Variants in PARD3B observed in about 807,000 individuals in gnomAD.
PARD3B encodes par-3 family cell polarity regulator beta.
A neutral mutation model predicts 130.2 loss-of-function variants in PARD3B; 103 were observed. That is an observed-to-expected ratio of 0.79 (90% CI 0.67 to 0.93). PARD3B has a LOEUF of 0.93. Among genes scored for constraint, PARD3B ranks in the 40% least tolerant of loss-of-function variants. PARD3B has a pLI of 0.00. For missense variants in PARD3B, 1,609 were observed against 1,499.2 expected (o/e 1.07, Z -1.21); for synonymous variants, 583 against 553.2 (o/e 1.05, Z -0.76).
At chr2:205,044,200 T>C (rs1698602978) in intron 3 of PARD3B, among the ~76,000 whole-genome samples, 1 of 151,614 alleles carries the variant, frequency 6.6e-6, no homozygotes, top group East Asian at 1.9e-4. Context: ...TAATCCAGTC[T>C]ATCATTGTTG....
chr2:205,415,992 A>G (rs901453434), intron 19 of PARD3B, among the ~76,000 whole-genome samples: 9 of 152,260 alleles, frequency 5.9e-5, no homozygotes, highest in African/African-American at 2.2e-4. Context: ...TTCTATTTAC[A>G]CATTCATTTT....
chr2:204,973,683 C>T (rs1691905352), intron 3 of PARD3B, among the ~76,000 whole-genome samples: 1 of 152,078 alleles, frequency 6.6e-6, no homozygotes, highest in African/African-American at 2.4e-5. Flanking sequence ...TTCTCATTTG[C>T]TTTATCTGAT....
At chr2:205,220,431 C>G (rs985274362) in intron 15 of PARD3B, among the ~76,000 whole-genome samples, 21 of 152,140 alleles carry the variant, frequency 1.4e-4, no homozygotes, top group African/African-American at 5.1e-4. Flanking sequence ...CTATACATTT[C>G]CAGAAAAGCC....
intron 20 of PARD3B, among the ~76,000 whole-genome samples, chr2:205,494,752 T>G (rs527574390): frequency 1.6e-4 from 24 of 152,356 alleles, no homozygotes; most frequent in African/African-American, 5.5e-4. Context: ...AATGCCTTTC[T>G]TGCGAGGCAA....
intron 4 of PARD3B, among the ~76,000 whole-genome samples, chr2:205,098,853 A>AT (rs1202662520): frequency 6.6e-6 from 1 of 152,142 alleles, no homozygotes; most frequent in Non-Finnish European, 1.5e-5. Flanking sequence ...AGAAGTGTTG[A>AT]TTTTAAAGCT....
chr2:205,194,120 A>G (rs1427260986), intron 15 of PARD3B, among the ~76,000 whole-genome samples: 2 of 152,350 alleles, frequency 1.3e-5, no homozygotes, highest in East Asian at 3.9e-4. Context: ...CCATTGCCTC[A>G]TGAATGCTTG....
chr2:205,385,526 G>C (rs1024221966), intron 18 of PARD3B, among the ~76,000 whole-genome samples: 3 of 152,088 alleles, frequency 2.0e-5, no homozygotes, highest in Admixed American at 6.6e-5. Flanking sequence ...CGTATGTTCA[G>C]TATTCTAAAA....
chr2:204,975,092 A>G (rs1692030698), intron 3 of PARD3B, among the ~76,000 whole-genome samples: 1 of 152,142 alleles, frequency 6.6e-6, no homozygotes, highest in Non-Finnish European at 1.5e-5. Context: ...CAAACCTTAT[A>G]CTGAAGATCT....
In PARD3B at chr2:205,108,620, C is replaced by G. The variant is rs139407447; in HGVS notation, c.593+4106C>G. On this transcript the variant is annotated intron_variant, in intron 5 of 22. Transcript: ENST00000406610. ...CCTGTGCATGCCCACTCCATCCCCT[C>G]ACCTATCTTTTCTGATGGAAGACCC... Among the ~76,000 whole-genome samples the G allele has an allele frequency of 5.3e-5, 8 of 152,252 alleles. No homozygotes were observed. In the East Asian group the frequency reaches 1.6e-3, roughly 30 times the overall value.
At position 205,554,455 on chromosome 2, in the gene PARD3B, C is replaced by G. The variant is rs558725328; in HGVS notation, c.3260+1052C>G. On this transcript the variant is annotated intron_variant, in intron 22 of 22. Transcript: ENST00000406610. ...TAAAATCTGAAATCTAGCAGAGAAGCTGTTTTGTCCTGATTAGGCAGGACA... is the reference window on the plus strand; with the variant it reads ...TAAAATCTGAAATCTAGCAGAGAAGGTGTTTTGTCCTGATTAGGCAGGACA... 3.9e-5 allele frequency among the ~76,000 whole-genome samples: 6 copies of G among 152,284 alleles called. No individual in the cohort carries two copies. In the East Asian group the frequency reaches 1.2e-3, roughly 29 times the overall value.
At position 205,011,078 on chromosome 2, in the gene PARD3B, A is replaced by G. The variant is rs573293310; in HGVS notation, c.395-36503A>G. 2.0e-4 allele frequency among the ~76,000 whole-genome samples: 30 copies of G among 152,328 alleles called. No homozygotes were observed. The highest frequency in any genetic ancestry group is 7.2e-4 in the African/African-American group (30 of 41,566). ...GGAAGGTATCCCCTAAGCTGGTAGC[A>G]CCATTAGGCTAATTGGATAGAGATC... On this transcript the variant is annotated intron_variant, in intron 3 of 22. Transcript: ENST00000406610. The surrounding 1 kb of genome is among the most constrained non-coding windows in gnomAD (Gnocchi z 4.1).
intron 2 of PARD3B, among the ~76,000 whole-genome samples, chr2:204,785,236 C>T (rs1325172343): frequency 1.3e-5 from 2 of 152,056 alleles, no homozygotes; most frequent in Non-Finnish European, 2.9e-5. Context: ...TCTTGTAATG[C>T]TCCTTTCATC....
chr2:205,310,715 C>CTTTT (rs1311997873), intron 18 of PARD3B, among the ~76,000 whole-genome samples: 1 of 102,078 alleles, frequency 9.8e-6, no homozygotes, highest in African/African-American at 3.3e-5. Flanking sequence ...TTCTTTCTTT[C>CTTTT]TTTCTTTTTT....
At chr2:205,064,857 C>A (rs1452550679) in intron 4 of PARD3B, among the ~76,000 whole-genome samples, 2 of 152,134 alleles carry the variant, frequency 1.3e-5, no homozygotes, top group Non-Finnish European at 2.9e-5. Flanking sequence ...TAGAGGAAGA[C>A]CTTTCTGGGC....
intron 15 of PARD3B, among the ~76,000 whole-genome samples, chr2:205,194,950 A>ATTTTT (rs56836818): frequency 5.4e-5 from 6 of 111,214 alleles, no homozygotes; most frequent in African/African-American, 1.4e-4. Context: ...CGCCAGGCTA[A>ATTTTT]TTTTTTTTTT....
Position 205,146,630 on chromosome 2 carries a change from G to A in PARD3B, c.1435-12092G>A, listed in dbSNP as rs991079157. Among the ~76,000 whole-genome samples, 2 of 151,800 alleles carry A rather than the reference G, an allele frequency of 1.3e-5. No homozygotes were observed. The highest frequency in any genetic ancestry group is 2.9e-5 in the Non-Finnish European group (2 of 67,958). On this transcript the variant is annotated intron_variant, in intron 10 of 22. Coordinates refer to ENST00000406610, the MANE Select transcript of PARD3B (RefSeq NM_001302769.2). The surrounding 1 kb of genome is among the most constrained non-coding windows in gnomAD (Gnocchi z 4.3). ...AGCGCCACTGCACTCCAGCCTGGGC[G>A]ACAGAGCGAGACTCCGCCTCAAAAA...
chr2:204,716,049 T>C (rs1316908250), intron 2 of PARD3B, among the ~76,000 whole-genome samples: 1 of 152,182 alleles, frequency 6.6e-6, no homozygotes, highest in Non-Finnish European at 1.5e-5. Flanking sequence ...TGAACAGTAC[T>C]CAGCCAATGA....
At chr2:205,165,675 ACCACTGCACTCCAGC>A (rs1258420399) in intron 11 of PARD3B, among the ~76,000 whole-genome samples, 4 of 151,544 alleles carry the variant, frequency 2.6e-5, no homozygotes, top group Admixed American at 6.6e-5. Flanking sequence ...CCGAGATCAT[ACCACTGCACTCCAGC>A]CGGAGCAACA....
At position 205,268,810 on chromosome 2, in the gene PARD3B, A is replaced by C. The variant is rs2040611145; in HGVS notation, c.2185+22988A>C. Among the ~76,000 whole-genome samples the C allele has an allele frequency of 6.6e-6, 1 of 152,182 alleles. No individual in the cohort carries two copies. Among genetic ancestry groups the C allele is most frequent in the South Asian group, 2.1e-4 (1 of 4,828 alleles). On this transcript the variant is annotated intron_variant, in intron 16 of 22. Transcript: ENST00000406610. This position sits in a 1 kb window ranked among gnomAD's most constrained non-coding sequence, Gnocchi z 4.1. ...CATGGTTTTAAGTGATGCTGGCTAGAATAAAGGTGGAAGGAGGAAAATAAA... is the reference window on the plus strand; with the variant it reads ...CATGGTTTTAAGTGATGCTGGCTAGCATAAAGGTGGAAGGAGGAAAATAAA...
Sources: gnomAD v4.1 joint callset for allele counts (sites outside exome capture counted in the v4.1 genomes callset) on GRCh38, gnomAD v4.1.1 for gene constraint, Gnocchi (gnomAD v3.1) non-coding constraint, MANE v1.5 for transcripts, NCBI Gene and HGNC (gene_info 2026-07-23, HGNC 2026-07-21) for gene names.